The following ARRDC4 variants were observed in gnomAD, a reference collection of about 807,000 sequenced individuals.
ARRDC4 encodes the protein arrestin domain containing 4.
ARRDC4 carries 40 observed loss-of-function variants against 44.6 expected under a neutral mutation model. That is an observed-to-expected ratio of 0.90 (90% CI 0.70 to 1.17). ARRDC4 has a LOEUF of 1.17. Ranked by LOEUF, ARRDC4 falls within the 50% of genes most tolerant of loss-of-function variation. The pLI, the probability that ARRDC4 is intolerant of heterozygous loss-of-function variation, is 0.00. For synonymous variants in ARRDC4, 211 were observed against 221.2 expected, an observed-to-expected ratio of 0.95 and a Z score of 0.41; for missense variants, 550 against 559.1, an observed-to-expected ratio of 0.98 and a Z score of 0.16.
At chr15:97,961,985 G>C (rs1323532031) in intron 1 of ARRDC4, among the ~76,000 whole-genome samples, 1 of 152,160 alleles carries the variant, frequency 6.6e-6, no homozygotes, top group Non-Finnish European at 1.5e-5. Flanking sequence ...ATTAATATTA[G>C]ATACCAAAAT....
At chr15:97,964,385 CTTAT>C (rs1358177724) in intron 1 of ARRDC4, among the ~76,000 whole-genome samples, 1 of 151,958 alleles carries the variant, frequency 6.6e-6, no homozygotes, top group Non-Finnish European at 1.5e-5. Flanking sequence ...ATTTCTTCAT[CTTAT>C]TTATCCTATC....
In ARRDC4 at chr15:97,965,660, C is replaced by T. The variant is rs1899405366; in HGVS notation, c.368C>T (p.Pro123Leu). Residue 123 changes from proline to leucine, a missense_variant, in exon 2 of 8, where the codon CCA (proline) becomes CTA (leucine). Pro to Leu is a moderately conservative substitution (Grantham distance 98). Coordinates refer to ENST00000268042, the MANE Select transcript of ARRDC4 (RefSeq NM_183376.3). The surrounding 1 kb of genome is among the most constrained non-coding windows in gnomAD (Gnocchi z 5.1). Reference protein sequence around the residue: ...KHEFPFRFQLPSEPLVTSFTG... With the variant: ...KHEFPFRFQLLSEPLVTSFTG... Reference sequence around the variant, plus strand: ...GAATTTCCATTTCGCTTTCAACTTCCATCTGAGTAAGTGAAACACTACAAT... The same window carrying T: ...GAATTTCCATTTCGCTTTCAACTTCTATCTGAGTAAGTGAAACACTACAAT... 3.1e-6 allele frequency: 5 copies of T among 1,612,740 alleles called. No homozygotes were observed. In the Admixed American group the frequency reaches 8.3e-5, roughly 27 times the overall value.
rs1310321260 is a variant in ARRDC4 at position 97,972,764 on chromosome 15, T to C, written c.*1577T>C. ...TTTCAATCAGCATGTTCACCAAAAA[T>C]AGAAAAGTTCTTCTAAGGTTAAATT... On this transcript the variant is annotated 3_prime_UTR_variant, in exon 8 of 8. Coordinates refer to ENST00000268042, the MANE Select transcript of ARRDC4 (RefSeq NM_183376.3). This position sits in a 1 kb window ranked among gnomAD's most constrained non-coding sequence, Gnocchi z 5.3. 3 of 152,596 alleles carry C rather than the reference T, an allele frequency of 2.0e-5. No homozygotes were observed. The highest frequency in any genetic ancestry group is 2.1e-4 in the South Asian group (1 of 4,836). 9.5% of individuals were successfully genotyped at this position (152,596 alleles called of 1,614,324 possible).
In ARRDC4 at chr15:97,968,538, A is replaced by G. The variant is rs1035342852; in HGVS notation, c.625+422A>G. ...ATGTAGTGTATTAACAAACTTAACA[A>G]TCAGATTGTTACTGGAATTGCCATT... On this transcript the variant is annotated intron_variant, in intron 4 of 7. Coordinates refer to ENST00000268042, the MANE Select transcript of ARRDC4 (RefSeq NM_183376.3). The surrounding 1 kb of genome is among the most constrained non-coding windows in gnomAD (Gnocchi z 5.4). 1.3e-5 allele frequency among the ~76,000 whole-genome samples: 2 copies of G among 152,210 alleles called. No homozygotes were observed. Among genetic ancestry groups the G allele is most frequent in the Non-Finnish European group, 2.9e-5 (2 of 68,020 alleles).
intron 1 of ARRDC4, among the ~76,000 whole-genome samples, chr15:97,963,839 C>G (rs1257031692): frequency 6.6e-6 from 1 of 152,186 alleles, no homozygotes; most frequent in East Asian, 1.9e-4. Context: ...CTAGTAATTT[C>G]AAATTAGAAC....
Position 97,973,648 on chromosome 15 carries a change from A to C in ARRDC4, c.*2461A>C, listed in dbSNP as rs985887260. ...GTGCACAAAATCCTTCTGTGGGCAAAACTTTGTTTTTGTTTTGCACAGTAA... is the reference window on the plus strand; with the variant it reads ...GTGCACAAAATCCTTCTGTGGGCAACACTTTGTTTTTGTTTTGCACAGTAA... On this transcript the variant is annotated 3_prime_UTR_variant, in exon 8 of 8. Transcript: ENST00000268042. The C allele has an allele frequency of 1.3e-5, 2 of 152,592 alleles. No individual in the cohort carries two copies. Among genetic ancestry groups the C allele is most frequent in the Non-Finnish European group, 2.9e-5 (2 of 68,022 alleles). The allele number at this position is 152,592 out of a possible 1,614,324, so 9.5% of individuals were successfully genotyped here.
chr15:97,971,435 G>A lies in ARRDC4; in HGVS notation c.*248G>A. 4.2e-6 allele frequency: 2 copies of A among 480,890 alleles called. No homozygotes were observed. The highest frequency in any genetic ancestry group is 2.2e-5 in the South Asian group (1 of 45,818). The allele number at this position is 480,890 out of a possible 1,614,324, so 29.8% of individuals were successfully genotyped here. ...ATGAAGATGTGCAAAGTCACAGAATGTAATGGAAGTCCTGATGGTTACAGA... is the reference window on the plus strand; with the variant it reads ...ATGAAGATGTGCAAAGTCACAGAATATAATGGAAGTCCTGATGGTTACAGA... On this transcript the variant is annotated 3_prime_UTR_variant, in exon 8 of 8. Transcript: ENST00000268042.
chr15:97,971,260 A>G lies in ARRDC4; in HGVS notation c.*73A>G. ...TCTTTTCCTTCTGCCTTTTTGGGAA[A>G]GAGACAGGAAAGATTCACTTGAAAA... On this transcript the variant is annotated 3_prime_UTR_variant, in exon 8 of 8. Transcript: ENST00000268042. The G allele has an allele frequency of 2.2e-6, 3 of 1,374,488 alleles. No individual in the cohort carries two copies. Among genetic ancestry groups the G allele is most frequent in the Non-Finnish European group, 3.1e-6 (3 of 966,788 alleles). The allele number at this position is 1,374,488 out of a possible 1,614,324, so 85.1% of individuals were successfully genotyped here.
Position 97,971,405 on chromosome 15 carries a change from C to G in ARRDC4, c.*218C>G. ...GTCGTATATATATCCCTGTTAAAAACTGGGATGAAGATGTGCAAAGTCACA... is the reference window on the plus strand; with the variant it reads ...GTCGTATATATATCCCTGTTAAAAAGTGGGATGAAGATGTGCAAAGTCACA... On this transcript the variant is annotated 3_prime_UTR_variant, in exon 8 of 8. Transcript: ENST00000268042. The G allele has an allele frequency of 1.9e-6, 1 of 527,910 alleles. No homozygotes were observed. Among genetic ancestry groups the G allele is most frequent in the Non-Finnish European group, 3.4e-6 (1 of 293,748 alleles). The allele number at this position is 527,910 out of a possible 1,614,324, so 32.7% of individuals were successfully genotyped here. A position where few individuals can be genotyped will look rare whatever the true frequency, so the allele number is the denominator to read the frequency against.
At position 97,965,260 on chromosome 15, in the gene ARRDC4, C is replaced by T. The variant is rs1195179938; in HGVS notation, c.308-340C>T. ...AGCTTGGGCAATATAGCAAGACCCT[C>T]GTCTCTGGAAAGAATTATTAAAAAT... is the stretch of plus-strand genomic sequence containing the variant. On this transcript the variant is annotated intron_variant, in intron 1 of 7. Coordinates refer to ENST00000268042, the MANE Select transcript of ARRDC4 (RefSeq NM_183376.3). The surrounding 1 kb of genome is among the most constrained non-coding windows in gnomAD (Gnocchi z 5.1). Among the ~76,000 whole-genome samples the T allele has an allele frequency of 3.9e-5, 6 of 152,050 alleles. No homozygotes were observed. The highest frequency in any genetic ancestry group is 2.1e-4 in the South Asian group (1 of 4,816).
intron 1 of ARRDC4, among the ~76,000 whole-genome samples, chr15:97,964,226 A>G (rs190764568): frequency 6.6e-6 from 1 of 152,326 alleles, no homozygotes; most frequent in East Asian, 1.9e-4. Context: ...TCATAAAATA[A>G]AACTCTATTT....
rs1899489677 is a variant in ARRDC4, at chr15:97,970,447, A to G, written c.1046-142A>G. 2.6e-6 allele frequency: 2 copies of G among 768,328 alleles called. No homozygotes were observed. The highest frequency in any genetic ancestry group is 2.1e-5 in the South Asian group (1 of 47,466). The allele number at this position is 768,328 out of a possible 1,614,324, so 47.6% of individuals were successfully genotyped here. ...AGGAGAATCTATTTTTTATTGTAAT[A>G]TGCATAAAACCTTGCTGATTAGAGG... On this transcript the variant is annotated intron_variant, in intron 6 of 7. Transcript: ENST00000268042. This position sits in a 1 kb window ranked among gnomAD's most constrained non-coding sequence, Gnocchi z 4.2.
rs1899518627 is a variant in ARRDC4, at chr15:97,971,710, T to A, written c.*523T>A. On this transcript the variant is annotated 3_prime_UTR_variant, in exon 8 of 8. Coordinates refer to ENST00000268042, the MANE Select transcript of ARRDC4 (RefSeq NM_183376.3). ...CTACCATATTCAGGCCTAAAGACAT[T>A]GAAAAAGCATCTTTTCTTGAGATCA... 1 of 156,128 alleles carries A rather than the reference T, an allele frequency of 6.4e-6. No homozygotes were observed. The highest frequency in any genetic ancestry group is 1.4e-5 in the Non-Finnish European group (1 of 70,304). The allele number at this position is 156,128 out of a possible 1,614,324, so 9.7% of individuals were successfully genotyped here.
chr15:97,970,475 A>G lies in ARRDC4; in HGVS notation c.1046-114A>G. ...CATAAAACCTTGCTGATTAGAGGGA[A>G]AGAATGCCATATTTTTTATCTTCAA... On this transcript the variant is annotated intron_variant, in intron 6 of 7. Transcript: ENST00000268042. The surrounding 1 kb of genome is among the most constrained non-coding windows in gnomAD (Gnocchi z 4.2). The G allele has an allele frequency of 1.8e-6, 2 of 1,126,650 alleles. No homozygotes were observed. Among genetic ancestry groups the G allele is most frequent in the Non-Finnish European group, 1.2e-6 (1 of 802,230 alleles). 69.8% of individuals were successfully genotyped at this position (1,126,650 alleles called of 1,614,324 possible). A position where few individuals can be genotyped will look rare whatever the true frequency, so the allele number is the denominator to read the frequency against.
In ARRDC4 at chr15:97,965,587, C is replaced by T. The variant is rs1176250165; in HGVS notation, c.308-13C>T. 1.3e-6 allele frequency: 2 copies of T among 1,592,288 alleles called. No homozygotes were observed. The highest frequency in any genetic ancestry group is 1.7e-6 in the Non-Finnish European group (2 of 1,160,700). On this transcript the variant is annotated splice_polypyrimidine_tract_variant and intron_variant, in intron 1 of 7. Transcript: ENST00000268042. This position sits in a 1 kb window ranked among gnomAD's most constrained non-coding sequence, Gnocchi z 5.1. ...AACTATCCTTCATTAAAATAAAATA[C>T]AATCTCTTATAGGTGAAGGCATCAT...
rs1182831124 is a variant in ARRDC4 at position 97,967,939 on chromosome 15, T to C, written c.523-75T>C. On this transcript the variant is annotated intron_variant, in intron 3 of 7. Coordinates refer to ENST00000268042, the MANE Select transcript of ARRDC4 (RefSeq NM_183376.3). This position sits in a 1 kb window ranked among gnomAD's most constrained non-coding sequence, Gnocchi z 5.0. ...TTTCCTTACAACCATTCTGTGAAGATAGATATAATTTTAAGTTCTATGAGT... is the reference window on the plus strand; with the variant it reads ...TTTCCTTACAACCATTCTGTGAAGACAGATATAATTTTAAGTTCTATGAGT... The C allele has an allele frequency of 1.3e-5, 12 of 893,322 alleles. No homozygotes were observed. The highest frequency in any genetic ancestry group is 2.7e-5 in the Admixed American group (1 of 37,448). 55.3% of individuals were successfully genotyped at this position (893,322 alleles called of 1,614,324 possible).
Position 97,965,919 on chromosome 15 carries a change from G to A in ARRDC4, c.399G>A (p.Gly133=), listed in dbSNP as rs1426791914. ...PSEPLVTSFT[G]KYGSIQYCVR... ...GACCTTTGGTCACCTCGTTTACTGG[G>A]AAATATGGAAGCATTCAGTACTGTG... Residue 133 remains glycine, a synonymous_variant, in exon 3 of 8, where the codon GGG becomes GGA. Transcript: ENST00000268042. The surrounding 1 kb of genome is among the most constrained non-coding windows in gnomAD (Gnocchi z 5.1). 6.2e-7 allele frequency: 1 copy of A among 1,614,088 alleles called. No individual in the cohort carries two copies. The highest frequency in any genetic ancestry group is 8.5e-7 in the Non-Finnish European group (1 of 1,180,002).
intron 1 of ARRDC4, among the ~76,000 whole-genome samples, chr15:97,962,681 C>T (rs951911381): frequency 6.6e-6 from 1 of 152,140 alleles, no homozygotes; most frequent in African/African-American, 2.4e-5. Flanking sequence ...ATTTGAAAAT[C>T]TTAAACTTGT....
At position 97,973,713 on chromosome 15, in the gene ARRDC4, A is replaced by G. The variant is rs113062282; in HGVS notation, c.*2526A>G. The G allele has an allele frequency of 0.026, 3,988 of 152,678 alleles. 155 individuals carry two copies. Among genetic ancestry groups the G allele is most frequent in the African/African-American group, 0.091 (3,765 of 41,544 alleles). The allele number at this position is 152,678 out of a possible 1,614,324, so 9.5% of individuals were successfully genotyped here. A position where few individuals can be genotyped will look rare whatever the true frequency, so the allele number is the denominator to read the frequency against. ...GCGTTATGTTTTTGGTAAGTTAACT[A>G]TGAAAGCTTTCTTATTTTTATTATT... On this transcript the variant is annotated 3_prime_UTR_variant, in exon 8 of 8. Coordinates refer to ENST00000268042, the MANE Select transcript of ARRDC4 (RefSeq NM_183376.3).
Sources: allele counts gnomAD v4.1 joint callset (sites outside exome capture counted in the v4.1 genomes callset), GRCh38; gene constraint gnomAD v4.1.1; non-coding constraint Gnocchi (gnomAD v3.1); transcripts MANE v1.5; gene names NCBI Gene and HGNC (gene_info 2026-07-23, HGNC 2026-07-21).